Variants in PCSK5 observed in about 807,000 individuals in gnomAD.
PCSK5 encodes proprotein convertase subtilisin/kexin type 5.
PCSK5 carries 129 observed loss-of-function variants against 233.2 expected under a neutral mutation model. The ratio of observed to expected loss-of-function variants is 0.55; its 90% CI spans 0.48 to 0.64. The LOEUF (loss-of-function observed/expected upper bound fraction) is 0.64, where lower values mean the gene tolerates loss of function less well. Among genes scored for constraint, PCSK5 ranks in the 30% least tolerant of loss-of-function variants. PCSK5 has a pLI of 0.00. For synonymous variants in PCSK5, 825 were observed against 879.2 expected (o/e 0.94, Z 1.09); for missense variants, 2,076 against 2,430.1 (o/e 0.85, Z 3.06).
Position 76,030,607 on chromosome 9 carries a change from G to C in PCSK5, c.632+3570G>C, listed in dbSNP as rs550483776. Among the ~76,000 whole-genome samples, 5 of 152,060 alleles carry C rather than the reference G, an allele frequency of 3.3e-5. No individual in the cohort carries two copies. The South Asian group carries it at 1.0e-3, about 32-fold the overall frequency. On this transcript the variant is annotated intron_variant, in intron 5 of 37. Transcript: ENST00000674117. Reference sequence around the variant, plus strand: ...TTTATATGACTATAACCAAAAGAAAGTTAAAAACCTTTTTATATTCAACAA... The same window carrying C: ...TTTATATGACTATAACCAAAAGAAACTTAAAAACCTTTTTATATTCAACAA...
chr9:75,903,966 G>T (rs1245300281), intron 1 of PCSK5, among the ~76,000 whole-genome samples: 2 of 151,962 alleles, frequency 1.3e-5, no homozygotes, highest in African/African-American at 4.8e-5. Flanking sequence ...CATCAATTTC[G>T]AAGTTTCTCA....
chr9:76,076,044 CTTAG>C (rs534612050), intron 7 of PCSK5, among the ~76,000 whole-genome samples: 12 of 152,138 alleles, frequency 7.9e-5, no homozygotes, highest in Non-Finnish European at 1.5e-4. Flanking sequence ...GCACAGCTGC[CTTAG>C]TTAGGGAAGA....
At chr9:75,898,687 G>A (rs28536664) in intron 1 of PCSK5, among the ~76,000 whole-genome samples, 20,109 of 150,508 alleles carry the variant, frequency 0.13, 1,418 homozygotes, top group Admixed American at 0.17. Flanking sequence ...ACCCACTAGA[G>A]ATCAGGTTTT....
chr9:76,267,360 G>A (rs977504024), intron 24 of PCSK5, among the ~76,000 whole-genome samples: 6 of 152,124 alleles, frequency 3.9e-5, no homozygotes, highest in Admixed American at 1.3e-4. Context: ...GGTATTTCAC[G>A]GTGGGGCAAA....
At position 75,891,059 on chromosome 9, in the gene PCSK5, G is replaced by GGGCTGCGAGCTGCGGCGGCCCGA; in HGVS notation, c.-101_-100insAGGCTGCGAGCTGCGGCGGCCCG. The GGGCTGCGAGCTGCGGCGGCCCGA allele has an allele frequency of 1.1e-6, 1 of 898,006 alleles. No homozygotes were observed. Among genetic ancestry groups the GGGCTGCGAGCTGCGGCGGCCCGA allele is most frequent in the Non-Finnish European group, 1.5e-6 (1 of 656,000 alleles). The allele number at this position is 898,006 out of a possible 1,614,324, so 55.6% of individuals were successfully genotyped here. ...CTAGCCGCCTCCTGCCGATCGCCCG[G>GGGCTGCGAGCTGCGGCGGCCCGA]GGCTGCGAGCTGCGGCGGCCCGGGG... On this transcript the variant is annotated 5_prime_UTR_variant, in exon 1 of 38. Transcript: ENST00000674117.
rs1164490803 is a variant in PCSK5 at position 76,184,696 on chromosome 9, A to G, written c.2221A>G (p.Ser741Gly). 1.9e-6 allele frequency: 3 copies of G among 1,610,976 alleles called. No individual in the cohort carries two copies. The highest frequency in any genetic ancestry group is 2.5e-6 in the Non-Finnish European group (3 of 1,177,726). The change falls in exon 17 of 38, where the codon AGT (serine) becomes GGT (glycine). Residue 741 changes from serine to glycine, a missense_variant. Around this residue, in one of 6 missense-constraint regions of PCSK5, gnomAD observed 1,510 missense variants for 1,538.1 expected, o/e 0.98. Transcript: ENST00000674117. ...DTKKNLCRKC[S>G]ENCKTCTEFH... is the part of the protein sequence containing the mutation. The stretch of plus-strand genomic sequence containing the variant: ...AGAGAAAAATCTTTGCCGGAAATGC[A>G]GTGAAAACTGCAAGACATGTACTGA...
intron 2 of PCSK5, among the ~76,000 whole-genome samples, chr9:75,978,442 T>C (rs1372863946): frequency 6.6e-6 from 1 of 152,190 alleles, no homozygotes; most frequent in Non-Finnish European, 1.5e-5. Context: ...GAGTATAGAA[T>C]ACCAAGAAGT....
intron 2 of PCSK5, among the ~76,000 whole-genome samples, chr9:75,975,166 G>A (rs567986830): frequency 6.6e-6 from 1 of 152,106 alleles, no homozygotes; most frequent in Non-Finnish European, 1.5e-5. Flanking sequence ...GAACTTACAG[G>A]CTCAAACCAT....
intron 22 of PCSK5, among the ~76,000 whole-genome samples, chr9:76,234,782 T>C: frequency 6.6e-6 from 1 of 152,214 alleles, no homozygotes; most frequent in East Asian, 1.9e-4. Flanking sequence ...CTTGGAATAT[T>C]AACTGTTTTT....
At chr9:75,998,780 G>T (rs1310771680) in intron 3 of PCSK5, among the ~76,000 whole-genome samples, 1 of 152,154 alleles carries the variant, frequency 6.6e-6, no homozygotes, top group African/African-American at 2.4e-5. Context: ...CTCAAGGCCA[G>T]TATTCTTTCA....
At position 76,332,100 on chromosome 9, in the gene PCSK5, C is replaced by T. The variant is rs185730005; in HGVS notation, c.4571-333C>T. ...CGCCGGACTGTAGTTTCTGTTCTACCCACCACAGCTAATCCACTGAGAAAT... is the reference window on the plus strand; with the variant it reads ...CGCCGGACTGTAGTTTCTGTTCTACTCACCACAGCTAATCCACTGAGAAAT... On this transcript the variant is annotated intron_variant, in intron 33 of 37. Coordinates refer to ENST00000674117, the MANE Select transcript of PCSK5 (RefSeq NM_001372043.1). 1.4e-4 allele frequency among the ~76,000 whole-genome samples: 22 copies of T among 152,260 alleles called. No homozygotes were observed. In the East Asian group the frequency reaches 3.9e-3, roughly 27 times the overall value.
rs984075793 is a variant in PCSK5 at position 76,209,428 on chromosome 9, A to G, written c.2627-18075A>G. ...TAGTTTACTTTATATCTCCTGTGTT[A>G]TGATGTAAACTTCACCAGGAAGGAG... On this transcript the variant is annotated intron_variant, in intron 20 of 37. Coordinates refer to ENST00000674117, the MANE Select transcript of PCSK5 (RefSeq NM_001372043.1). The G allele has an allele frequency of 8.2e-5, 39 of 478,062 alleles. 2 individuals are homozygous for G. The highest frequency in any genetic ancestry group is 3.5e-4 in the Admixed American group (16 of 45,372). The allele number at this position is 478,062 out of a possible 1,614,324, so 29.6% of individuals were successfully genotyped here.
At chr9:76,154,599 T>A (rs561184269) in intron 10 of PCSK5, among the ~76,000 whole-genome samples, 26 of 152,282 alleles carry the variant, frequency 1.7e-4, no homozygotes, top group African/African-American at 6.3e-4. Context: ...ATCTTTCATC[T>A]TATTTCCCTA....
chr9:76,190,226 C>A (rs1824304673), intron 20 of PCSK5, among the ~76,000 whole-genome samples: 1 of 151,906 alleles, frequency 6.6e-6, no homozygotes, highest in African/African-American at 2.4e-5. Flanking sequence ...TGGGTTTGGA[C>A]AAATGTATAA....
At position 76,210,276 on chromosome 9, in the gene PCSK5, G is replaced by T. The variant is rs565761220; in HGVS notation, c.2627-17227G>T. ...AGTTCAACGTCGTGGAGAAACTCTG[G>T]AAAATGGTATATAACATAGGCCTCA... is the stretch of plus-strand genomic sequence containing the variant. On this transcript the variant is annotated intron_variant, in intron 20 of 37. Coordinates refer to ENST00000674117, the MANE Select transcript of PCSK5 (RefSeq NM_001372043.1). Among the ~76,000 whole-genome samples, 8 of 152,268 alleles carry T rather than the reference G, an allele frequency of 5.3e-5. No homozygotes were observed. The South Asian group carries it at 1.7e-3, about 32-fold the overall frequency.
intron 24 of PCSK5, among the ~76,000 whole-genome samples, chr9:76,275,392 T>C (rs1827658940): frequency 6.6e-6 from 1 of 152,138 alleles, no homozygotes. Flanking sequence ...AAGCTATTTT[T>C]TGTTTGTTTG....
At chr9:76,253,435 A>C (rs1449427721) in intron 24 of PCSK5, among the ~76,000 whole-genome samples, 35 of 152,138 alleles carry the variant, frequency 2.3e-4, no homozygotes, top group Admixed American at 2.3e-3. Context: ...CTCATTGTCT[A>C]AATGATACCT....
At chr9:76,097,421 G>A (rs149573985) in intron 8 of PCSK5, among the ~76,000 whole-genome samples, 1,821 of 147,370 alleles carry the variant, frequency 0.012, 103 homozygotes, top group African/African-American at 0.045. Flanking sequence ...CACCGCGCCC[G>A]GCTAATTTTT....
chr9:76,352,311 A>G (rs1282087315), intron 36 of PCSK5, among the ~76,000 whole-genome samples: 3 of 152,164 alleles, frequency 2.0e-5, no homozygotes, highest in African/African-American at 4.8e-5. Flanking sequence ...TCTCATTGCC[A>G]TCTTGGTTTA....
Sources: allele counts gnomAD v4.1 joint callset (sites outside exome capture counted in the v4.1 genomes callset), GRCh38; gene constraint gnomAD v4.1.1; regional missense constraint gnomAD v4.1.1; transcripts MANE v1.5; gene names NCBI Gene and HGNC (gene_info 2026-07-23, HGNC 2026-07-21).